Variants in TBXAS1 observed in about 807,000 individuals in gnomAD.
TBXAS1 encodes thromboxane A synthase 1.
In TBXAS1, 48 loss-of-function variants were observed where a neutral mutation model predicts 60.7. That is an observed-to-expected ratio of 0.79 (90% confidence interval 0.63 to 1.01). The LOEUF (loss-of-function observed/expected upper bound fraction) is 1.01, where lower values mean the gene tolerates loss of function less well. Among genes scored for constraint, TBXAS1 ranks in the 50% least tolerant of loss-of-function variants. The pLI is 0.00. For synonymous variants in TBXAS1, 287 were observed against 269.7 expected (o/e 1.06, Z -0.63); for missense variants, 685 against 686.3 (o/e 1.00, Z 0.02).
Position 139,962,378 on chromosome 7 carries a change from C to T in TBXAS1, c.1134+145C>T, listed in dbSNP as rs1407339073. On this transcript the variant is annotated intron_variant, in intron 9 of 12. Coordinates refer to ENST00000448866, the MANE Select transcript of TBXAS1 (RefSeq NM_001061.7). ...GAAATAGGGTCATTGCTTGGCTTCT[C>T]CTGCTCTCCGGGTTAGCAAGCGAAA... 4 of 1,012,082 alleles carry T rather than the reference C, an allele frequency of 4.0e-6. No individual in the cohort carries two copies. In the African/African-American group the frequency reaches 4.8e-5, roughly 12 times the overall value. 62.7% of individuals were successfully genotyped at this position (1,012,082 alleles called of 1,614,324 possible). A position where few individuals can be genotyped will look rare whatever the true frequency, so the allele number is the denominator to read the frequency against.
chr7:139,949,151 C>T (rs1250823982), intron 5 of TBXAS1, among the ~76,000 whole-genome samples: 1 of 152,230 alleles, frequency 6.6e-6, no homozygotes, highest in East Asian at 1.9e-4. Flanking sequence ...CTTTCTTTCA[C>T]ACTGTCCAGG....
intron 3 of TBXAS1, among the ~76,000 whole-genome samples, chr7:139,906,869 C>CT (rs1245539634): frequency 6.6e-6 from 1 of 152,018 alleles, no homozygotes; most frequent in African/African-American, 2.4e-5. Context: ...ATGCTATTGA[C>CT]TTTTTTTTGT....
rs549976061 is a variant in TBXAS1 at position 139,894,557 on chromosome 7, T to A, written c.237-16668T>A. ...GTTTATTCCCCTGATACTTGGGAAA[T>A]CTAGCAGATATAGAGACAGTGACCC... On this transcript the variant is annotated intron_variant, in intron 3 of 12. Transcript: ENST00000448866. 1.4e-4 allele frequency among the ~76,000 whole-genome samples: 22 copies of A among 152,284 alleles called. No homozygotes were observed. In the South Asian group the frequency reaches 4.4e-3, roughly 30 times the overall value.
chr7:140,020,115 G>A lies in TBXAS1; in HGVS notation c.*16G>A, dbSNP rs1044561351. ...ATCCCGCTGACACAGAAGGCTGCCG[G>A]GTGGGGGGAGGGCACCCCCAAATTC... On this transcript the variant is annotated 3_prime_UTR_variant, in exon 13 of 13. Coordinates refer to ENST00000448866, the MANE Select transcript of TBXAS1 (RefSeq NM_001061.7). 1.9e-6 allele frequency: 3 copies of A among 1,612,732 alleles called. No homozygotes were observed. Among genetic ancestry groups the A allele is most frequent in the Non-Finnish European group, 2.5e-6 (3 of 1,178,844 alleles).
At chr7:139,963,037 A>G (rs1810494531) in intron 9 of TBXAS1, 1 of 152,244 alleles carries the variant, frequency 6.6e-6, no homozygotes, top group Non-Finnish European at 1.5e-5. Flanking sequence ...GTTTCATACA[A>G]TGAACTGAAA....
At chr7:139,962,622 C>T (rs1017657004) in intron 9 of TBXAS1, 1 of 299,056 alleles carries the variant, frequency 3.3e-6, no homozygotes, top group African/African-American at 2.2e-5. Context: ...GAAAGGAGAG[C>T]CAAGATAGAA....
chr7:139,824,405 G>A (rs997534393), upstream of TBXAS1, among the ~76,000 whole-genome samples: 2 of 152,194 alleles, frequency 1.3e-5, no homozygotes, highest in African/African-American at 2.4e-5. Flanking sequence ...TAAGAATGTC[G>A]CTTGAGATAG....
rs367986932 is a variant in TBXAS1, at chr7:139,914,190, T to A, written c.333+2869T>A. Among the ~76,000 whole-genome samples, 973 of 151,690 alleles carry A rather than the reference T, an allele frequency of 6.4e-3. 8 individuals are homozygous for A. The highest frequency in any genetic ancestry group is 0.027 in the South Asian group (128 of 4,774). On this transcript the variant is annotated intron_variant, in intron 4 of 12. Transcript: ENST00000448866. The stretch of plus-strand genomic sequence containing the variant: ...GACTGCATGTGTGTGCCACCATGCC[T>A]GGCTAATTTTAAAAAAAAAAAATTT...
At chr7:140,017,550 C>A in intron 11 of TBXAS1, 121 bp from the exon 12 acceptor site, 1 of 1,335,502 alleles carries the variant, frequency 7.5e-7, no homozygotes, top group Non-Finnish European at 1.0e-6. Context: ...GAGCAGCCAT[C>A]AGCTCCCAGA....
intron 1 of TBXAS1, among the ~76,000 whole-genome samples, chr7:139,779,636 A>G (rs559143270): frequency 1.3e-5 from 2 of 152,168 alleles, no homozygotes; most frequent in East Asian, 1.9e-4. Flanking sequence ...CCTCCCTGCA[A>G]TCTTTAACTT....
intron 9 of TBXAS1, among the ~76,000 whole-genome samples, chr7:139,965,210 C>T (rs1294990028): frequency 6.7e-6 from 1 of 149,734 alleles, no homozygotes. Context: ...AAGAAAGAAA[C>T]TCCGTCTCAA....
intron 1 of TBXAS1, among the ~76,000 whole-genome samples, chr7:139,833,343 A>G (rs1798833182): frequency 6.6e-6 from 1 of 152,232 alleles, no homozygotes; most frequent in East Asian, 1.9e-4. Flanking sequence ...AACGGTAGCT[A>G]TTCTCATATC....
At chr7:139,983,701 A>G (rs913415005) in intron 9 of TBXAS1, among the ~76,000 whole-genome samples, 1 of 152,164 alleles carries the variant, frequency 6.6e-6, no homozygotes, top group African/African-American at 2.4e-5. Flanking sequence ...TGTCCTCTGG[A>G]TCCTCTCCAG....
Position 139,953,423 on chromosome 7 carries a change from A to G in TBXAS1, c.506A>G (p.Tyr169Cys), listed in dbSNP as rs368121899. 2 of 1,614,204 alleles carry G rather than the reference A, an allele frequency of 1.2e-6. No individual in the cohort carries two copies. The highest frequency in any genetic ancestry group is 3.3e-5 in the Admixed American group (2 of 60,028). ...CTTCTCCTGGCTCATTTAAAACGCT[A>G]TGCGGAATCTGGGGACGCATTTGAC... ...CDLLLAHLKR[Y>C]AESGDAFDIQ... Residue 169 changes from tyrosine (Y) to cysteine (C), a missense_variant, in exon 6 of 13, where the codon TAT becomes TGT. Tyr to Cys is a radical substitution (Grantham distance 194, BLOSUM62 -2). Coordinates refer to ENST00000448866, the MANE Select transcript of TBXAS1 (RefSeq NM_001061.7).
intron 1 of TBXAS1, among the ~76,000 whole-genome samples, chr7:139,863,733 A>C (rs1360668505): frequency 6.6e-6 from 1 of 152,214 alleles, no homozygotes; most frequent in Non-Finnish European, 1.5e-5. Flanking sequence ...CAAAGTCTCA[A>C]CCCAAAGAAA....
intron 3 of TBXAS1, among the ~76,000 whole-genome samples, chr7:139,891,015 A>C (rs1803561802): frequency 6.6e-6 from 1 of 151,680 alleles, no homozygotes; most frequent in Non-Finnish European, 1.5e-5. Flanking sequence ...TTCATTTAGC[A>C]CTGTGCTTTC....
At chr7:139,873,457 C>T (rs181127505) in intron 2 of TBXAS1, among the ~76,000 whole-genome samples, 53 of 152,168 alleles carry the variant, frequency 3.5e-4, no homozygotes, top group African/African-American at 9.9e-4. Context: ...TCGGTCTGGT[C>T]GGTGATGAGA....
At chr7:139,841,802 G>A (rs949732542) in intron 1 of TBXAS1, among the ~76,000 whole-genome samples, 3 of 152,124 alleles carry the variant, frequency 2.0e-5, no homozygotes, top group Non-Finnish European at 4.4e-5. Flanking sequence ...ATGACCTTCG[G>A]AGGCATTTTC....
At chr7:139,939,098 C>T (rs1202518864) in intron 5 of TBXAS1, among the ~76,000 whole-genome samples, 2 of 152,212 alleles carry the variant, frequency 1.3e-5, no homozygotes, top group Non-Finnish European at 2.9e-5. Context: ...GGCAAGGTGG[C>T]TCACGCCTGT....
Sources: allele counts gnomAD v4.1 joint callset (sites outside exome capture counted in the v4.1 genomes callset), GRCh38; gene constraint gnomAD v4.1.1; transcripts MANE v1.5; gene names NCBI Gene and HGNC (gene_info 2026-07-23, HGNC 2026-07-21).